The following XPNPEP1 variants were observed in gnomAD, a reference collection of about 807,000 sequenced individuals.
XPNPEP1 encodes xaa-Pro aminopeptidase 1.
Under a neutral mutation model 92.4 loss-of-function variants are expected in XPNPEP1, and 39 were observed. The ratio of observed to expected loss-of-function variants is 0.42; its 90% CI spans 0.33 to 0.55. The LOEUF (loss-of-function observed/expected upper bound fraction) is 0.55, where lower values mean the gene tolerates loss of function less well. Ranked by LOEUF, XPNPEP1 falls within the 20% of genes least tolerant of loss-of-function variation. The pLI is 0.08. For synonymous variants in XPNPEP1, 307 were observed against 299.4 expected (o/e 1.03, Z -0.26); for missense variants, 654 against 856.1 (o/e 0.76, Z 2.95).
In XPNPEP1 at chr10:109,875,802, C is replaced by T. The variant is rs147178035; in HGVS notation, c.1320-203G>A. The T allele has an allele frequency of 5.8e-4, 280 of 484,762 alleles. 1 individual carries two copies. The highest frequency in any genetic ancestry group is 4.8e-3 in the African/African-American group (248 of 51,674). 30.0% of individuals were successfully genotyped at this position (484,762 alleles called of 1,614,324 possible). ...TCAAAGATCCAATCAACCTATCTCC[C>T]CAGCTGAGATAAAGAGCTCAACAAA... On this transcript the variant is annotated intron_variant, in intron 14 of 20. Coordinates refer to ENST00000502935, the MANE Select transcript of XPNPEP1 (RefSeq NM_020383.4).
intron 4 of XPNPEP1, 22 bp downstream of exon 4, chr10:109,892,990 C>T (rs1477043623): frequency 1.2e-6 from 2 of 1,612,128 alleles, no homozygotes; most frequent in East Asian, 2.2e-5. Flanking sequence ...GCAGCAAGAA[C>T]AGAGAAAAAG....
chr10:109,891,795 G>A lies in XPNPEP1; in HGVS notation c.342C>T (p.Ala114=), dbSNP rs1451889737. ...GTAIITEEHA[A]MWTDGRYFLQ... ...GAAAGTAGCGCCCGTCAGTCCACAT[G>A]GCTGCATGCTCTTCTGTGATGATGG... Residue 114 remains alanine (A), a synonymous_variant, in exon 5 of 21, where the codon GCC becomes GCT. Coordinates refer to ENST00000502935, the MANE Select transcript of XPNPEP1 (RefSeq NM_020383.4). 2 of 1,607,208 alleles carry A rather than the reference G, an allele frequency of 1.2e-6. No individual in the cohort carries two copies. The highest frequency in any genetic ancestry group is 1.7e-6 in the Non-Finnish European group (2 of 1,178,094).
rs1022307195 is a variant in XPNPEP1 at position 109,870,663 on chromosome 10, C to G, written c.1696+68G>C. The stretch of plus-strand genomic sequence containing the variant: ...TTTACTTTAAACTAATTAAAAAATA[C>G]AAAACAACGAATAGCTTTCAAAAAG... On this transcript the variant is annotated intron_variant, in intron 18 of 20. Transcript: ENST00000502935. 4.0e-6 allele frequency: 6 copies of G among 1,511,990 alleles called. No homozygotes were observed. In the Admixed American group the frequency reaches 1.3e-4, roughly 34 times the overall value. The allele number at this position is 1,511,990 out of a possible 1,614,324, so 93.7% of individuals were successfully genotyped here.
chr10:109,916,718 A>C (rs1024831100), intron 1 of XPNPEP1, among the ~76,000 whole-genome samples: 1 of 152,224 alleles, frequency 6.6e-6, no homozygotes, highest in African/African-American at 2.4e-5. Flanking sequence ...AAATATAAAT[A>C]CAAATATCCT....
chr10:109,865,247 C>T lies in XPNPEP1; in HGVS notation c.1938G>A (p.Gln646=), dbSNP rs750831552. 3.1e-6 allele frequency: 5 copies of T among 1,614,198 alleles called. No homozygotes were observed. Among genetic ancestry groups the T allele is most frequent in the Non-Finnish European group, 2.5e-6 (3 of 1,180,040 alleles). ...GCCACTCGAGAGCTTCCTGGCGGCCCTGTTTCTGCAATTCCTTCCCAATCA... is the reference window on the plus strand; with the variant it reads ...GCCACTCGAGAGCTTCCTGGCGGCCTTGTTTCTGCAATTCCTTCCCAATCA... ...RDVIGKELQK[Q]GRQEALEWLI... Residue 646 remains glutamine, a synonymous_variant, in exon 21 of 21, where the codon CAG becomes CAA. Transcript: ENST00000502935.
chr10:109,867,331 C>A lies in XPNPEP1; in HGVS notation c.1872+1283G>T, dbSNP rs1847195692. ...GACTCTTCCTGCTGAAGAGACACAC[C>A]AGACATTGTGCTGATAGGCTGAGTT... is the stretch of plus-strand genomic sequence containing the variant. On this transcript the variant is annotated intron_variant, in intron 20 of 20. Transcript: ENST00000502935. The surrounding 1 kb of genome is among the most constrained non-coding windows in gnomAD (Gnocchi z 4.5). Among the ~76,000 whole-genome samples the A allele has an allele frequency of 6.6e-6, 1 of 152,238 alleles. No individual in the cohort carries two copies. The highest frequency in any genetic ancestry group is 2.1e-4 in the South Asian group (1 of 4,836).
chr10:109,922,390 C>G lies in XPNPEP1; in HGVS notation c.32+1012G>C, dbSNP rs561548603. ...ATTATCCACTTGCCTGACTCCATTTCCAGCACTTCACTTACAGGAAGCTCC... is the reference window on the plus strand; with the variant it reads ...ATTATCCACTTGCCTGACTCCATTTGCAGCACTTCACTTACAGGAAGCTCC... On this transcript the variant is annotated intron_variant, in intron 1 of 20. Coordinates refer to ENST00000502935, the MANE Select transcript of XPNPEP1 (RefSeq NM_020383.4). 7.6e-4 allele frequency among the ~76,000 whole-genome samples: 116 copies of G among 152,348 alleles called. 1 individual carries two copies. Among genetic ancestry groups the G allele is most frequent in the Admixed American group, 1.5e-3 (23 of 15,306 alleles).
At chr10:109,898,643 C>G (rs1849112954) in intron 3 of XPNPEP1, among the ~76,000 whole-genome samples, 1 of 152,220 alleles carries the variant, frequency 6.6e-6, no homozygotes, top group African/African-American at 2.4e-5. Context: ...AGCCTAATGG[C>G]AGGGGCAAGA....
intron 9 of XPNPEP1, chr10:109,883,833 C>G (rs1159946947): frequency 2.3e-6 from 1 of 434,850 alleles, no homozygotes; most frequent in South Asian, 4.6e-5. Context: ...ATGGGTGGCC[C>G]GAACTATAGA....
chr10:109,919,456 A>G (rs537484088), intron 1 of XPNPEP1, among the ~76,000 whole-genome samples: 2 of 152,364 alleles, frequency 1.3e-5, no homozygotes, highest in East Asian at 3.9e-4. Flanking sequence ...TAGGAAGGTT[A>G]TAATAAAAAA....
At position 109,871,832 on chromosome 10, in the gene XPNPEP1, G is replaced by A. The variant is rs1210928774; in HGVS notation, c.1482C>T (p.His494=). The A allele has an allele frequency of 6.2e-7, 1 of 1,614,078 alleles. No homozygotes were observed. The highest frequency in any genetic ancestry group is 1.3e-5 in the African/African-American group (1 of 74,932). The part of the protein sequence containing the change: ...KECFTYVLKG[H]IAVSAAVFPT... ...GGAAAACGGCTGCACTCACAGCTAT[G>A]TGGCCCTTGAGGACATATGTGAAGC... The change falls in exon 17 of 21, where the codon CAC becomes CAT. Residue 494 remains histidine, a synonymous_variant. Coordinates refer to ENST00000502935, the MANE Select transcript of XPNPEP1 (RefSeq NM_020383.4).
chr10:109,888,687 C>G (rs1227816020), intron 5 of XPNPEP1, 92 bp from the exon 6 acceptor site: 1 of 1,031,122 alleles, frequency 9.7e-7, no homozygotes, highest in Non-Finnish European at 1.4e-6. Context: ...ATCATGATAG[C>G]AGGGTCTTTA....
chr10:109,891,327 A>G (rs1848692230), intron 5 of XPNPEP1: 1 of 156,178 alleles, frequency 6.4e-6, no homozygotes, highest in East Asian at 1.9e-4. Context: ...CAAATCCAAG[A>G]TCCTCAGAGA....
Position 109,891,807 on chromosome 10 carries a change from T to C in XPNPEP1, c.330A>G (p.Glu110=). The C allele has an allele frequency of 6.2e-7, 1 of 1,608,922 alleles. No individual in the cohort carries two copies. Among genetic ancestry groups the C allele is most frequent in the Non-Finnish European group, 8.5e-7 (1 of 1,178,514 alleles). ...DGSAGTAIIT[E]EHAAMWTDGR... The stretch of plus-strand genomic sequence containing the variant: ...CGTCAGTCCACATGGCTGCATGCTC[T>C]TCTGTGATGATGGCTGTGCCTGAAG... Residue 110 remains glutamate (E), a synonymous_variant, in exon 5 of 21, where the codon GAA becomes GAG. Coordinates refer to ENST00000502935, the MANE Select transcript of XPNPEP1 (RefSeq NM_020383.4).
intron 14 of XPNPEP1, chr10:109,877,057 T>C (rs1589556849): frequency 6.6e-6 from 1 of 152,162 alleles, no homozygotes; most frequent in Non-Finnish European, 1.5e-5. Context: ...CCAAAACAGG[T>C]TGCCTCACAA....
intron 1 of XPNPEP1, 123 bp downstream of exon 1, chr10:109,923,279 G>C (rs954155689): frequency 4.0e-5 from 49 of 1,211,842 alleles, no homozygotes; most frequent in Non-Finnish European, 4.5e-5. Flanking sequence ...CGCGGCCCTC[G>C]CCAGACTGCG....
chr10:109,914,162 T>C (rs866288095), intron 2 of XPNPEP1, among the ~76,000 whole-genome samples: 10 of 151,634 alleles, frequency 6.6e-5, no homozygotes, highest in Non-Finnish European at 7.4e-5. Context: ...AATACAGTAA[T>C]ACACCACTTT....
chr10:109,899,488 A>G (rs1849165555), intron 3 of XPNPEP1, among the ~76,000 whole-genome samples: 1 of 152,240 alleles, frequency 6.6e-6, no homozygotes, highest in African/African-American at 2.4e-5. Context: ...TACATGAAAT[A>G]AGAAATAAGG....
rs754959529 is a variant in XPNPEP1 at position 109,865,144 on chromosome 10, TC to T, written c.*39del. 6.2e-7 allele frequency: 1 copy of T among 1,613,082 alleles called. No homozygotes were observed. Among genetic ancestry groups the T allele is most frequent in the South Asian group, 1.1e-5 (1 of 91,074 alleles). On this transcript the variant is annotated 3_prime_UTR_variant, in exon 21 of 21. Transcript: ENST00000502935. ...GGGATCTGCCACGTTTCTTCCTTCCTCCAGAGCATTTTACAAAAACAAAACC... is the reference window on the plus strand; with the variant it reads ...GGGATCTGCCACGTTTCTTCCTTCCTCAGAGCATTTTACAAAAACAAAACC...
Sources: gnomAD v4.1 joint callset for allele counts (sites outside exome capture counted in the v4.1 genomes callset) on GRCh38, gnomAD v4.1.1 for gene constraint, Gnocchi (gnomAD v3.1) non-coding constraint, MANE v1.5 for transcripts, NCBI Gene and HGNC (gene_info 2026-07-23, HGNC 2026-07-21) for gene names.